Variants in LTBP4 observed in about 807,000 individuals in gnomAD.
LTBP4 encodes the protein latent-transforming growth factor beta-binding protein 4.
Under a neutral mutation model 180.2 loss-of-function variants are expected in LTBP4, and 93 were observed. The ratio of observed to expected loss-of-function variants is 0.52; its 90% confidence interval spans 0.44 to 0.61. LTBP4 has a LOEUF of 0.61. Ranked by LOEUF, LTBP4 falls within the 20% of genes least tolerant of loss-of-function variation. The pLI, the probability that LTBP4 is intolerant of heterozygous loss-of-function variation, is 0.00. For missense variants in LTBP4, 2,116 were observed against 2,256.5 expected, an observed-to-expected ratio of 0.94 and a Z score of 1.26; for synonymous variants, 947 against 934.5, an observed-to-expected ratio of 1.01 and a Z score of -0.24.
chr19:40,601,682 G>A, intron 1 of LTBP4, 45 bp downstream of exon 1: 1 of 1,295,054 alleles, frequency 7.7e-7, no homozygotes, highest in Non-Finnish European at 9.9e-7. Context: ...CCGGGGGGGA[G>A]GAGGATCCCT....
intron 15 of LTBP4, among the ~76,000 whole-genome samples, chr19:40,612,514 C>G (rs1319454940): frequency 6.6e-6 from 1 of 152,158 alleles, no homozygotes; most frequent in Non-Finnish European, 1.5e-5. Context: ...GACATTTGAC[C>G]CTAATCATAA....
In LTBP4 at chr19:40,617,115, G is replaced by A. The variant is rs764846754; in HGVS notation, c.2960G>A (p.Arg987Gln). The change falls in exon 21 of 30, where the codon CGG becomes CAG. Residue 987 changes from arginine to glutamine, a missense_variant. By Grantham distance (43) the Arg-to-Gln change is conservative. Coordinates refer to ENST00000396819, the MANE Select transcript of LTBP4 (RefSeq NM_001042545.2). ...GTGGTTGCAGATGTGGACGAATGCC[G>A]GAACCGGTCCTTCTGCGGTGCCCAC... ...GGGCQDVDEC[R>Q]NRSFCGAHAV... 4.3e-5 allele frequency: 69 copies of A among 1,613,898 alleles called. 1 individual carries two copies. The South Asian group carries it at 6.5e-4, about 15-fold the overall frequency.
upstream of LTBP4, chr19:40,597,242 GGCCTGGCACCAGCGGCCGCC>G: frequency 6.6e-7 from 1 of 1,504,794 alleles, no homozygotes; most frequent in Non-Finnish European, 8.8e-7. Context: ...ACGATGCCGA[GGCCTGGCACCAGCGGCCGCC>G]GCCCCCTCCT....
At position 40,623,520 on chromosome 19, in the gene LTBP4, C is replaced by T. The variant is rs1309498098; in HGVS notation, c.3557-84C>T. On this transcript the variant is annotated intron_variant, in intron 24 of 29. Coordinates refer to ENST00000396819, the MANE Select transcript of LTBP4 (RefSeq NM_001042545.2). The stretch of plus-strand genomic sequence containing the variant: ...TCTCTACTTCTTGGTCTATCACCAG[C>T]TCTGTCTCTGTCTTCCCACGTCATG... 5 of 1,491,846 alleles carry T rather than the reference C, an allele frequency of 3.4e-6. No homozygotes were observed. The Admixed American group carries it at 7.8e-5, about 23-fold the overall frequency. 92.4% of individuals were successfully genotyped at this position (1,491,846 alleles called of 1,614,324 possible).
chr19:40,607,325 C>T, intron 6 of LTBP4, 40 bp from the exon 7 acceptor site: 1 of 1,544,630 alleles, frequency 6.5e-7, no homozygotes, highest in South Asian at 1.2e-5. Flanking sequence ...TACAGCATTC[C>T]CAGCCCCGCC....
rs1367571753 is a variant in LTBP4 at position 40,609,397 on chromosome 19, A to C, written c.1427-133A>C. The C allele has an allele frequency of 8.6e-7, 1 of 1,161,528 alleles. No homozygotes were observed. The highest frequency in any genetic ancestry group is 1.5e-5 in the African/African-American group (1 of 64,958). The allele number at this position is 1,161,528 out of a possible 1,614,324, so 72.0% of individuals were successfully genotyped here. Reference sequence around the variant, plus strand: ...GGATAAAAAAGATGGAGATCAGAAGAAGACTGGGCTTGCTTGGGGAGGAGA... The same window carrying C: ...GGATAAAAAAGATGGAGATCAGAAGCAGACTGGGCTTGCTTGGGGAGGAGA... On this transcript the variant is annotated intron_variant, in intron 9 of 29. Transcript: ENST00000396819. The surrounding 1 kb of genome is among the most constrained non-coding windows in gnomAD (Gnocchi z 4.9).
In LTBP4 at chr19:40,613,035, AC is replaced by A; in HGVS notation, c.2300-27del. The A allele has an allele frequency of 6.2e-7, 1 of 1,608,050 alleles. No individual in the cohort carries two copies. On this transcript the variant is annotated intron_variant, in intron 15 of 29. Coordinates refer to ENST00000396819, the MANE Select transcript of LTBP4 (RefSeq NM_001042545.2). The surrounding 1 kb of genome is among the most constrained non-coding windows in gnomAD (Gnocchi z 5.0). ...TTGGTCGGGTGTGTCCCGAGACTGG[AC>A]CCTTTCTGAACACCCCCACCCCCCA...
In LTBP4 at chr19:40,608,530, C is replaced by G; in HGVS notation, c.1353C>G (p.Pro451=). ...TGGAGCCCCGGCCTGAACCCCGGCC[C>G]GATCCCCGGCCCGGCCCTGAGCTTC... ...HRLEPRPEPR[P]DPRPGPELPL... is the part of the protein sequence containing the mutation. Residue 451 remains proline, a synonymous_variant, in exon 9 of 30, where the codon CCC becomes CCG. Transcript: ENST00000396819. 6.2e-7 allele frequency: 1 copy of G among 1,605,474 alleles called. No individual in the cohort carries two copies. Among genetic ancestry groups the G allele is most frequent in the Non-Finnish European group, 8.5e-7 (1 of 1,177,046 alleles).
chr19:40,600,097 G>C, upstream of LTBP4: 1 of 1,259,884 alleles, frequency 7.9e-7, no homozygotes, highest in Non-Finnish European at 1.0e-6. This position sits in a 1 kb window ranked among gnomAD's most constrained non-coding sequence, Gnocchi z 4.4. Flanking sequence ...CTACTGAAGC[G>C]GCGGCGGCCC....
chr19:40,611,385 C>G lies in LTBP4; in HGVS notation c.2044C>G (p.Pro682Ala). ...AGFRSRGPGAPCQDVDECARS... is the reference protein window; with the variant it reads ...AGFRSRGPGAACQDVDECARS... ...CTTCCGCTCCCGAGGGCCCGGGGCC[C>G]CCTGCCAAGGTGAGGGTGCTGAGCC... Residue 682 changes from proline (P) to alanine (A), a missense_variant, in exon 13 of 30, where the codon CCC (proline) becomes GCC (alanine). Physicochemically the swap from Pro to Ala is conservative, Grantham distance 27. Around this residue, in one of 5 missense-constraint regions of LTBP4, gnomAD observed 877 missense variants for 873.6 expected, o/e 1.00. Coordinates refer to ENST00000396819, the MANE Select transcript of LTBP4 (RefSeq NM_001042545.2). This position sits in a 1 kb window ranked among gnomAD's most constrained non-coding sequence, Gnocchi z 4.4. The G allele has an allele frequency of 1.9e-6, 3 of 1,605,658 alleles. No homozygotes were observed. Among genetic ancestry groups the G allele is most frequent in the Non-Finnish European group, 2.5e-6 (3 of 1,177,556 alleles).
Position 40,617,168 on chromosome 19 carries a change from T to C in LTBP4, c.3013T>C (p.Phe1005Leu). Residue 1005 changes from phenylalanine to leucine, a missense_variant, in exon 21 of 30, where the codon TTC (phenylalanine) becomes CTC (leucine). Phe to Leu is a conservative substitution (Grantham distance 22, BLOSUM62 0). Transcript: ENST00000396819. The stretch of plus-strand genomic sequence containing the variant: ...CGTGTGCCAGAACCTGCCCGGCTCC[T>C]TCCAGTGCCTCTGTGACCAGGGTTA... ...HAVCQNLPGS[F>L]QCLCDQGYEG... is the part of the protein sequence containing the mutation. 1 of 1,613,884 alleles carries C rather than the reference T, an allele frequency of 6.2e-7. No individual in the cohort carries two copies. The highest frequency in any genetic ancestry group is 8.5e-7 in the Non-Finnish European group (1 of 1,179,838).
chr19:40,623,072 CG>C, intron 24 of LTBP4, 51 bp downstream of exon 24: 1 of 1,431,556 alleles, frequency 7.0e-7, no homozygotes, highest in Non-Finnish European at 9.5e-7. Flanking sequence ...GGCCCAGCTT[CG>C]TCTCTTCCTG....
At chr19:40,595,261 A>G (rs754289927) in intron 1 of LTBP4, among the ~76,000 whole-genome samples, 10 of 151,998 alleles carry the variant, frequency 6.6e-5, no homozygotes, top group Middle Eastern at 3.2e-3. Context: ...CCTTAGGGAG[A>G]GAAGGGGCTT....
Position 40,629,238 on chromosome 19 carries a change from C to A in LTBP4, c.4520-158C>A. 2 of 852,128 alleles carry A rather than the reference C, an allele frequency of 2.3e-6. No homozygotes were observed. Among genetic ancestry groups the A allele is most frequent in the Non-Finnish European group, 3.7e-6 (2 of 536,292 alleles). 52.8% of individuals were successfully genotyped at this position (852,128 alleles called of 1,614,324 possible). A position where few individuals can be genotyped will look rare whatever the true frequency, so the allele number is the denominator to read the frequency against. On this transcript the variant is annotated intron_variant, in intron 29 of 29. Transcript: ENST00000396819. The surrounding 1 kb of genome is among the most constrained non-coding windows in gnomAD (Gnocchi z 4.5). ...AAACTGAAGCACAGTGAGGTTAAGC[C>A]ACCTGGCCGGGCTCACACAGTTAGC...
In LTBP4 at chr19:40,605,951, T is replaced by C; in HGVS notation, c.793+120T>C. On this transcript the variant is annotated intron_variant, in intron 4 of 29. Coordinates refer to ENST00000396819, the MANE Select transcript of LTBP4 (RefSeq NM_001042545.2). This position sits in a 1 kb window ranked among gnomAD's most constrained non-coding sequence, Gnocchi z 5.5. The stretch of plus-strand genomic sequence containing the variant: ...AATTGTAGCCACGCCTACCCCATTG[T>C]GGAGGCGACTTCCAGTCCTGAGCTT... 8.9e-7 allele frequency: 1 copy of C among 1,128,910 alleles called. No homozygotes were observed. The highest frequency in any genetic ancestry group is 1.2e-6 in the Non-Finnish European group (1 of 807,970). The allele number at this position is 1,128,910 out of a possible 1,614,324, so 69.9% of individuals were successfully genotyped here. A position where few individuals can be genotyped will look rare whatever the true frequency, so the allele number is the denominator to read the frequency against.
At position 40,605,970 on chromosome 19, in the gene LTBP4, T is replaced by A. The variant is rs560278860; in HGVS notation, c.793+139T>A. 2.1e-4 allele frequency: 217 copies of A among 1,031,388 alleles called. No individual in the cohort carries two copies. In the African/African-American group the frequency reaches 2.8e-3, roughly 13 times the overall value. 63.9% of individuals were successfully genotyped at this position (1,031,388 alleles called of 1,614,324 possible). ...CCATTGTGGAGGCGACTTCCAGTCC[T>A]GAGCTTTTCATACCGCTCTGGGACC... On this transcript the variant is annotated intron_variant, in intron 4 of 29. Transcript: ENST00000396819. This position sits in a 1 kb window ranked among gnomAD's most constrained non-coding sequence, Gnocchi z 5.5.
chr19:40,622,391 G>A lies in LTBP4; in HGVS notation c.3218-10G>A. ...AGCCCACACTGGGCTAAAGCTCCTTGTCTCCCCAGGCACGTTCCCAGGCTC... is the reference window on the plus strand; with the variant it reads ...AGCCCACACTGGGCTAAAGCTCCTTATCTCCCCAGGCACGTTCCCAGGCTC... On this transcript the variant is annotated splice_polypyrimidine_tract_variant and intron_variant, in intron 22 of 29. Coordinates refer to ENST00000396819, the MANE Select transcript of LTBP4 (RefSeq NM_001042545.2). The surrounding 1 kb of genome is among the most constrained non-coding windows in gnomAD (Gnocchi z 5.1). 1.3e-6 allele frequency: 2 copies of A among 1,495,100 alleles called. No homozygotes were observed. Among genetic ancestry groups the A allele is most frequent in the South Asian group, 1.3e-5 (1 of 75,410 alleles). The allele number at this position is 1,495,100 out of a possible 1,614,324, so 92.6% of individuals were successfully genotyped here. A position where few individuals can be genotyped will look rare whatever the true frequency, so the allele number is the denominator to read the frequency against.
rs751445779 is a variant in LTBP4, at chr19:40,609,710, TG to T, written c.1559-34del. On this transcript the variant is annotated intron_variant, in intron 10 of 29. Coordinates refer to ENST00000396819, the MANE Select transcript of LTBP4 (RefSeq NM_001042545.2). The surrounding 1 kb of genome is among the most constrained non-coding windows in gnomAD (Gnocchi z 4.9). Reference sequence around the variant, plus strand: ...AGGAGGCGGGGCGGGGGGCTTTGCCTGGTCACCTTGTCACCAGCCCCCTCCG... The same window carrying T: ...AGGAGGCGGGGCGGGGGGCTTTGCCTGTCACCTTGTCACCAGCCCCCTCCG... The T allele has an allele frequency of 1.1e-5, 17 of 1,611,140 alleles. No homozygotes were observed. Among genetic ancestry groups the T allele is most frequent in the Non-Finnish European group, 1.4e-5 (16 of 1,178,246 alleles).
chr19:40,596,701 G>C (rs972922102), upstream of LTBP4, among the ~76,000 whole-genome samples: 5 of 152,146 alleles, frequency 3.3e-5, no homozygotes, highest in Non-Finnish European at 5.9e-5. Flanking sequence ...CTGGGGGCTG[G>C]TGCAGGGTTG....
Sources: allele counts gnomAD v4.1 joint callset (sites outside exome capture counted in the v4.1 genomes callset), GRCh38; gene constraint gnomAD v4.1.1; regional missense constraint gnomAD v4.1.1; non-coding constraint Gnocchi (gnomAD v3.1); transcripts MANE v1.5; gene names NCBI Gene and HGNC (gene_info 2026-07-23, HGNC 2026-07-21).